PRPS1: variants seen among roughly 807,000 people sequenced by gnomAD.
PRPS1 encodes ribose-phosphate pyrophosphokinase 1.
PRPS1 carries 1 observed loss-of-function variant against 16.9 expected under a neutral mutation model. That is an observed-to-expected ratio of 0.06 (90% CI 0.02 to 0.28). PRPS1 has a LOEUF of 0.28. Among genes scored for constraint, PRPS1 ranks in the 10% least tolerant of loss-of-function variants. The pLI, the probability that PRPS1 is intolerant of heterozygous loss-of-function variation, is 1.00. For missense variants in PRPS1, 47 were observed against 254.0 expected, an observed-to-expected ratio of 0.19 and a Z score of 5.54; for synonymous variants, 70 against 90.2, an observed-to-expected ratio of 0.78 and a Z score of 1.27.
At chrX:107,638,536 G>T (rs967519939) in intron 1 of PRPS1, among the ~76,000 whole-genome samples, 7 of 111,387 alleles carry the variant, frequency 6.3e-5, no homozygotes, top group Admixed American at 1.9e-4. Flanking sequence ...GAGCCATCAC[G>T]CCCGGCCATA....
intron 1 of PRPS1, among the ~76,000 whole-genome samples, chrX:107,631,733 C>T (rs1925310983): frequency 9.0e-6 from 1 of 111,721 alleles, no homozygotes; most frequent in African/African-American, 3.3e-5. Context: ...TCTTACTGCC[C>T]AGGAGTGCAG....
At position 107,649,081 on chromosome X, in the gene PRPS1, C is replaced by T. The variant is rs558493492; in HGVS notation, c.865-859C>T. Among the ~76,000 whole-genome samples the T allele has an allele frequency of 4.9e-4, 54 of 109,675 alleles. No homozygotes were observed. The South Asian group carries it at 0.018, about 36-fold the overall frequency. On this transcript the variant is annotated intron_variant, in intron 6 of 6. Coordinates refer to ENST00000372435, the MANE Select transcript of PRPS1 (RefSeq NM_002764.4). The stretch of plus-strand genomic sequence containing the variant: ...GCCTATTCAGAAGGATTTTTAAATG[C>T]GAACCTACCACCATTTTTTTTTAGA...
At chrX:107,630,869 C>A (rs1336893846) in intron 1 of PRPS1, among the ~76,000 whole-genome samples, 1 of 111,451 alleles carries the variant, frequency 9.0e-6, no homozygotes, top group Non-Finnish European at 1.9e-5. Flanking sequence ...TAAAGTAGTA[C>A]CTACCCATAC....
At chrX:107,643,790 A>C (rs1473633253) in intron 4 of PRPS1, among the ~76,000 whole-genome samples, 1 of 111,929 alleles carries the variant, frequency 8.9e-6, no homozygotes, top group Non-Finnish European at 1.9e-5. Flanking sequence ...ATTGGTTACC[A>C]CTGATGTTAT....
intron 1 of PRPS1, among the ~76,000 whole-genome samples, chrX:107,637,235 T>C (rs1925462356): frequency 1.8e-5 from 2 of 111,687 alleles, no homozygotes; most frequent in African/African-American, 6.5e-5. Context: ...TACTTCATAC[T>C]TAGAGTAAAT....
intron 1 of PRPS1, among the ~76,000 whole-genome samples, chrX:107,638,020 A>G (rs1925480916): frequency 9.2e-6 from 1 of 108,657 alleles, no homozygotes; most frequent in South Asian, 3.9e-4. Flanking sequence ...GCTCACTGTA[A>G]TCTCTGCCTC....
intron 1 of PRPS1, among the ~76,000 whole-genome samples, chrX:107,630,936 CATA>C (rs760134364): frequency 9.0e-5 from 10 of 111,617 alleles, no homozygotes; most frequent in Non-Finnish European, 1.9e-4. Flanking sequence ...TTGTCCAAAA[CATA>C]ATAAGTACAA....
chrX:107,644,374 G>C (rs764345856), intron 4 of PRPS1, among the ~76,000 whole-genome samples: 157 of 111,643 alleles, frequency 1.4e-3, no homozygotes, highest in African/African-American at 4.8e-3. Flanking sequence ...TGAGGGAAGT[G>C]ATGAGGACAC....
intron 6 of PRPS1, among the ~76,000 whole-genome samples, chrX:107,649,448 CTGTTT>C (rs760189954): frequency 6.8e-4 from 75 of 109,839 alleles, no homozygotes; most frequent in Non-Finnish European, 1.0e-3. Flanking sequence ...TCCTAAGTGG[CTGTTT>C]TGTTTTGTTT....
At chrX:107,639,655 A>T (rs1284571676) in intron 2 of PRPS1, among the ~76,000 whole-genome samples, 177 bp downstream of exon 2, 2 of 112,146 alleles carry the variant, frequency 1.8e-5, no homozygotes, top group African/African-American at 6.5e-5. Flanking sequence ...AAAGCAACAC[A>T]TTTGTAGTCT....
At position 107,650,239 on chromosome X, in the gene PRPS1, G is replaced by A; in HGVS notation, c.*207G>A. 1 of 698,321 alleles carries A rather than the reference G, an allele frequency of 1.4e-6. No homozygotes were observed. Among genetic ancestry groups the A allele is most frequent in the Non-Finnish European group, 2.1e-6 (1 of 486,610 alleles). 57.5% of individuals were successfully genotyped at this position (698,321 alleles called of 1,213,427 possible). A position where few individuals can be genotyped will look rare whatever the true frequency, so the allele number is the denominator to read the frequency against. ...CTCCTACCTGCATTATCTCATTCTG[G>A]CTTCCTTGATAATTCTGTGGGCCTT... On this transcript the variant is annotated 3_prime_UTR_variant, in exon 7 of 7. Coordinates refer to ENST00000372435, the MANE Select transcript of PRPS1 (RefSeq NM_002764.4).
intron 3 of PRPS1, 97 bp from the exon 4 acceptor site, chrX:107,642,269 G>C (rs1435101304): frequency 2.0e-5 from 22 of 1,113,129 alleles, no homozygotes; most frequent in Non-Finnish European, 2.7e-5. Flanking sequence ...GAATGTTGCA[G>C]TAAGACATTC....
intron 1 of PRPS1, among the ~76,000 whole-genome samples, chrX:107,635,563 C>G (rs925151460): frequency 2.7e-5 from 3 of 110,114 alleles, no homozygotes; most frequent in Non-Finnish European, 5.7e-5. Flanking sequence ...TCCCCAGTAG[C>G]TGCAATCACA....
At chrX:107,633,188 C>T (rs961828640) in intron 1 of PRPS1, among the ~76,000 whole-genome samples, 54 of 110,224 alleles carry the variant, frequency 4.9e-4, no homozygotes, top group Non-Finnish European at 7.4e-4. Flanking sequence ...TTTGGGAGGC[C>T]GAGGCGGGTG....
At chrX:107,644,150 TCTATC>T (rs1014559464) in intron 4 of PRPS1, among the ~76,000 whole-genome samples, 30 of 112,570 alleles carry the variant, frequency 2.7e-4, no homozygotes, top group African/African-American at 8.4e-4. Context: ...AAATTTGTCT[TCTATC>T]CTACCTTCTA....
chrX:107,642,699 T>C (rs1925602369), intron 4 of PRPS1, among the ~76,000 whole-genome samples: 1 of 112,244 alleles, frequency 8.9e-6, no homozygotes, highest in Non-Finnish European at 1.9e-5. Context: ...AAAGGGGTCC[T>C]AAATCATCAT....
chrX:107,634,072 A>G lies in PRPS1; in HGVS notation c.123-5223A>G, dbSNP rs1423403521. Among the ~76,000 whole-genome samples the G allele has an allele frequency of 5.3e-5, 6 of 112,401 alleles. No homozygotes were observed. The Admixed American group carries it at 5.7e-4, about 11-fold the overall frequency. On this transcript the variant is annotated intron_variant, in intron 1 of 6. Coordinates refer to ENST00000372435, the MANE Select transcript of PRPS1 (RefSeq NM_002764.4). ...CTGCTTTCAAGAAAGGATTTGAAGTATGTTTGATAGTCACTAGTACAAACC... is the reference window on the plus strand; with the variant it reads ...CTGCTTTCAAGAAAGGATTTGAAGTGTGTTTGATAGTCACTAGTACAAACC...
At chrX:107,649,721 T>A (rs1192955145) in intron 6 of PRPS1, among the ~76,000 whole-genome samples, 1 of 112,163 alleles carries the variant, frequency 8.9e-6, no homozygotes, top group Admixed American at 9.5e-5. Flanking sequence ...CCTCCCAAAG[T>A]GCAGGGATTA....
rs1304338091 is a variant in PRPS1, at chrX:107,642,566, T to C, written c.530+76T>C. 4.3e-6 allele frequency: 5 copies of C among 1,168,048 alleles called. No homozygotes were observed. In the East Asian group the frequency reaches 1.5e-4, roughly 35 times the overall value. ...TGGTTGTGTCACAAAGTGAAGTTTT[T>C]CTATCCAAGTGGCAGTTTTTAAGTA... is the stretch of plus-strand genomic sequence containing the variant. On this transcript the variant is annotated intron_variant, in intron 4 of 6. Transcript: ENST00000372435.
Sources: allele counts gnomAD v4.1 joint callset (sites outside exome capture counted in the v4.1 genomes callset), GRCh38; gene constraint gnomAD v4.1.1; transcripts MANE v1.5; gene names NCBI Gene and HGNC (gene_info 2026-07-23, HGNC 2026-07-21).